ENTREP2: variants seen among roughly 807,000 people sequenced by gnomAD.
ENTREP2 encodes the protein protein ENTREP2.
the ENTREP2 span, among the ~76,000 whole-genome samples, chr15:29,441,346 A>C: frequency 1.3e-5 from 2 of 152,158 alleles, no homozygotes; most frequent in Non-Finnish European, 2.9e-5. Flanking sequence ...TGGTGACTGG[A>C]TACAGAGTTT....
chr15:29,421,619 CAT>C, the ENTREP2 span, among the ~76,000 whole-genome samples: 1 of 152,182 alleles, frequency 6.6e-6, no homozygotes, highest in African/African-American at 2.4e-5. Flanking sequence ...TTTAAAAACA[CAT>C]AGACATGAAT....
chr15:29,205,231 C>T, the ENTREP2 span, among the ~76,000 whole-genome samples: 1 of 152,176 alleles, frequency 6.6e-6, no homozygotes, highest in African/African-American at 2.4e-5. Flanking sequence ...TAGATGGACA[C>T]CTGGGATGTT....
chr15:29,651,536 G>C, the ENTREP2 span, among the ~76,000 whole-genome samples: 1 of 152,154 alleles, frequency 6.6e-6, no homozygotes. Context: ...CCTCCCAGGC[G>C]CAAGACCCGG....
At chr15:29,188,234 A>T in the ENTREP2 span, among the ~76,000 whole-genome samples, 1 of 152,042 alleles carries the variant, frequency 6.6e-6, no homozygotes, top group Non-Finnish European at 1.5e-5. Context: ...TGTTGTTTAT[A>T]GTTAGTTTTT....
At chr15:29,359,346 C>T in the ENTREP2 span, among the ~76,000 whole-genome samples, 19 of 152,178 alleles carry the variant, frequency 1.2e-4, no homozygotes, top group African/African-American at 4.3e-4. Flanking sequence ...GGATATCACA[C>T]GTTTAAGAAA....
chr15:29,409,310 T>C, the ENTREP2 span, among the ~76,000 whole-genome samples: 3 of 152,180 alleles, frequency 2.0e-5, no homozygotes, highest in Non-Finnish European at 4.4e-5. Flanking sequence ...TTTCATATTA[T>C]ACTCAGTATC....
chr15:29,496,626 A>G, the ENTREP2 span, among the ~76,000 whole-genome samples: 2 of 152,122 alleles, frequency 1.3e-5, no homozygotes, highest in African/African-American at 4.8e-5. Flanking sequence ...TTGTCATAAA[A>G]GATTGTTGAA....
the ENTREP2 span, among the ~76,000 whole-genome samples, chr15:29,669,040 G>T: frequency 8.6e-5 from 13 of 152,020 alleles, no homozygotes; most frequent in African/African-American, 3.1e-4. Context: ...AGATTCAAAG[G>T]GCTAAAAATA....
At chr15:29,647,582 A>G in the ENTREP2 span, among the ~76,000 whole-genome samples, 2 of 152,134 alleles carry the variant, frequency 1.3e-5, no homozygotes, top group Non-Finnish European at 2.9e-5. Flanking sequence ...AATATAGTCG[A>G]TAGGTATTTT....
At chr15:29,307,907 T>C in the ENTREP2 span, among the ~76,000 whole-genome samples, 1 of 152,232 alleles carries the variant, frequency 6.6e-6, no homozygotes, top group African/African-American at 2.4e-5. Context: ...CCACCCAGTT[T>C]ACATTATTTT....
the ENTREP2 span, among the ~76,000 whole-genome samples, chr15:29,249,549 T>C: frequency 1.3e-5 from 2 of 152,232 alleles, no homozygotes; most frequent in Admixed American, 1.3e-4. Flanking sequence ...GTATAATTTT[T>C]ATATATGAAA....
At chr15:29,236,257 C>T in the ENTREP2 span, among the ~76,000 whole-genome samples, 1 of 152,126 alleles carries the variant, frequency 6.6e-6, no homozygotes, top group Non-Finnish European at 1.5e-5. Context: ...GTAAATTTCA[C>T]AACTTAGATA....
the ENTREP2 span, among the ~76,000 whole-genome samples, chr15:29,536,155 T>G: frequency 6.6e-6 from 1 of 152,160 alleles, no homozygotes; most frequent in African/African-American, 2.4e-5. Flanking sequence ...TCACATGACT[T>G]AGGTCTGACC....
chr15:29,154,251 C>A, the ENTREP2 span, among the ~76,000 whole-genome samples: 1 of 151,960 alleles, frequency 6.6e-6, no homozygotes, highest in African/African-American at 2.4e-5. Context: ...ATTTTATTAC[C>A]TTTTATTATT....
At chr15:29,661,327 A>G in the ENTREP2 span, among the ~76,000 whole-genome samples, 1 of 152,068 alleles carries the variant, frequency 6.6e-6, no homozygotes, top group African/African-American at 2.4e-5. Flanking sequence ...CAGCCTCCCA[A>G]GTAGCTGGGA....
chr15:29,148,304 A>T, the ENTREP2 span, among the ~76,000 whole-genome samples: 1 of 152,214 alleles, frequency 6.6e-6, no homozygotes, highest in African/African-American at 2.4e-5. Context: ...GTATCTCAAG[A>T]CAGCTGTTAC....
chr15:29,362,218 T>C, the ENTREP2 span, among the ~76,000 whole-genome samples: 1 of 152,110 alleles, frequency 6.6e-6, no homozygotes, highest in Non-Finnish European at 1.5e-5. Context: ...AACTCACTCT[T>C]TCTCAGAAGC....
At chr15:29,649,404 G>T in the ENTREP2 span, among the ~76,000 whole-genome samples, 1 of 152,104 alleles carries the variant, frequency 6.6e-6, no homozygotes, top group African/African-American at 2.4e-5. Context: ...TTCAGACAGA[G>T]TATTTAGCCC....
At chr15:29,309,463 A>G in the ENTREP2 span, among the ~76,000 whole-genome samples, 1 of 152,018 alleles carries the variant, frequency 6.6e-6, no homozygotes, top group Non-Finnish European at 1.5e-5. Context: ...CCTTCCCTGA[A>G]CCCTGGCTTT....
Sources: allele counts gnomAD v4.1 joint callset (sites outside exome capture counted in the v4.1 genomes callset), GRCh38; gene constraint gnomAD v4.1.1; transcripts MANE v1.5; gene names NCBI Gene and HGNC (gene_info 2026-07-23, HGNC 2026-07-21).